The following MORN3 variants were observed in gnomAD, a reference collection of about 807,000 sequenced individuals.
The protein encoded by MORN3 is MORN repeat containing 3, also known as MORN repeat-containing protein 3.
Under a neutral mutation model 34.7 loss-of-function variants are expected in MORN3, and 38 were observed. The ratio of observed to expected loss-of-function variants is 1.10; its 90% CI spans 0.85 to 1.44. MORN3 has a LOEUF of 1.44. Among genes scored for constraint, MORN3 ranks in the 40% most tolerant of loss-of-function variants. The pLI, the probability that MORN3 is intolerant of heterozygous loss-of-function variation, is 0.00. For synonymous variants in MORN3, 109 were observed against 115.3 expected (o/e 0.95, Z 0.35); for missense variants, 311 against 321.7 (o/e 0.97, Z 0.25).
At chr12:121,662,415 G>A (rs1465006428) in intron 1 of MORN3, among the ~76,000 whole-genome samples, 1 of 152,014 alleles carries the variant, frequency 6.6e-6, no homozygotes, top group East Asian at 1.9e-4. Context: ...TGCAGTGAGT[G>A]AGATTGCGCC....
At chr12:121,670,822 A>G (rs1382002108), upstream of MORN3, among the ~76,000 whole-genome samples, 2 of 149,954 alleles carry the variant, frequency 1.3e-5, no homozygotes, top group Non-Finnish European at 3.0e-5. Context: ...AAATAATAAT[A>G]AAATAGGCCG....
At chr12:121,663,656 C>T (rs925021745) in intron 1 of MORN3, among the ~76,000 whole-genome samples, 1 of 152,140 alleles carries the variant, frequency 6.6e-6, no homozygotes, top group Non-Finnish European at 1.5e-5. Context: ...AACAGTATCT[C>T]ATGGGGTTGT....
At chr12:121,667,624 A>T (rs949181061) in intron 1 of MORN3, among the ~76,000 whole-genome samples, 1 of 151,804 alleles carries the variant, frequency 6.6e-6, no homozygotes, top group Non-Finnish European at 1.5e-5. Flanking sequence ...CTGTTCCTTG[A>T]ACACCCCAGG....
chr12:121,658,936 GGCTCCTCGCAACC>G (rs1490149330), intron 2 of MORN3, among the ~76,000 whole-genome samples: 10 of 152,272 alleles, frequency 6.6e-5, no homozygotes, highest in African/African-American at 2.4e-4. Flanking sequence ...AAGCCTGGCT[GGCTCCTCGCAACC>G]GCAGGGTTTC....
rs183329303 is a variant in MORN3 at position 121,657,845 on chromosome 12, G to A, written c.303+1346C>T. Among the ~76,000 whole-genome samples, 10 of 151,974 alleles carry A rather than the reference G, an allele frequency of 6.6e-5. No homozygotes were observed. In the East Asian group the frequency reaches 1.7e-3, roughly 26 times the overall value. On this transcript the variant is annotated intron_variant, in intron 2 of 5. Transcript: ENST00000355329. ...TCACACCATTGCACTCCAGCGTGGC[G>A]ACAAGAGCGAAACTCCATCTCAAAA... is the stretch of plus-strand genomic sequence containing the variant.
intron 1 of MORN3, among the ~76,000 whole-genome samples, chr12:121,668,313 C>T (rs916882910): frequency 4.6e-5 from 7 of 150,912 alleles, no homozygotes; most frequent in East Asian, 4.1e-4. Context: ...GAGGCCGAGG[C>T]GGGCGGATCA....
chr12:121,660,355 C>CTTTTTTTTTTTTTTTTTTTTTTTT (rs200327265), intron 1 of MORN3, among the ~76,000 whole-genome samples: 1 of 128,772 alleles, frequency 7.8e-6, no homozygotes, highest in African/African-American at 3.0e-5. Context: ...TTCTTTCTTT[C>CTTTTTTTTTTTTTTTTTTTTTTTT]TTTTTTTTTT....
intron 1 of MORN3, among the ~76,000 whole-genome samples, chr12:121,663,436 G>C (rs1425538153): frequency 6.6e-6 from 1 of 152,140 alleles, no homozygotes; most frequent in Non-Finnish European, 1.5e-5. Flanking sequence ...GACCTCAGGA[G>C]ATCCACCCAT....
intron 1 of MORN3, among the ~76,000 whole-genome samples, chr12:121,665,321 C>T (rs1417618174): frequency 2.9e-5 from 3 of 101,808 alleles, no homozygotes; most frequent in Non-Finnish European, 3.5e-5. Flanking sequence ...GACGGTGTCT[C>T]GCTCTGTCGC....
intron 1 of MORN3, 40 bp downstream of exon 1, chr12:121,669,299 C>T (rs1210229083): frequency 6.2e-7 from 1 of 1,608,484 alleles, no homozygotes; most frequent in Non-Finnish European, 8.5e-7. Flanking sequence ...CACTGTGGCT[C>T]TGACCCCACT....
chr12:121,660,550 C>T (rs1369316886), intron 1 of MORN3, among the ~76,000 whole-genome samples: 1 of 151,514 alleles, frequency 6.6e-6, no homozygotes, highest in Non-Finnish European at 1.5e-5. Flanking sequence ...GGGGTTTTAC[C>T]ATATTGGCCA....
rs147677521 is a variant in MORN3, at chr12:121,669,340, G to A, written c.144C>T (p.His48=). 7.0e-4 allele frequency: 1,125 copies of A among 1,613,158 alleles called. 1 individual carries two copies. The highest frequency in any genetic ancestry group is 1.4e-3 in the South Asian group (126 of 91,084). The change falls in exon 1 of 6, where the codon CAC becomes CAT. Residue 48 remains histidine, a splice_region_variant and synonymous_variant. Coordinates refer to ENST00000355329, the MANE Select transcript of MORN3 (RefSeq NM_173855.5). The part of the protein sequence containing the change: ...YVGEWKDNVK[H]GKGTQVWKKK... ...CGCCCGTCCCGGAGTCCCACTCACC[G>A]TGTTTCACGTTGTCCTTCCACTCGC...
At chr12:121,659,104 G>A in intron 2 of MORN3, 87 bp downstream of exon 2, 1 of 1,514,316 alleles carries the variant, frequency 6.6e-7, no homozygotes, top group African/African-American at 1.4e-5. Context: ...TTTCTCCCAG[G>A]CCTCTCTCGG....
At chr12:121,659,397 G>C (rs532805854) in intron 1 of MORN3, 49 bp from the exon 2 acceptor site, 1 of 1,602,594 alleles carries the variant, frequency 6.2e-7, no homozygotes, top group Non-Finnish European at 8.5e-7. Context: ...GCCGGGGGGT[G>C]GGGGTGGTGT....
intron 2 of MORN3, among the ~76,000 whole-genome samples, chr12:121,656,315 G>A (rs1893415929): frequency 6.6e-6 from 1 of 151,722 alleles, no homozygotes; most frequent in Non-Finnish European, 1.5e-5. Context: ...ACCTCCTACA[G>A]GAAGCCTGCC....
At chr12:121,653,968 G>C (rs1260142313) in intron 3 of MORN3, among the ~76,000 whole-genome samples, 1 of 151,986 alleles carries the variant, frequency 6.6e-6, no homozygotes, top group Non-Finnish European at 1.5e-5. Context: ...TGCCCATTAA[G>C]CAGCCATTCC....
intron 3 of MORN3, among the ~76,000 whole-genome samples, chr12:121,653,985 C>A (rs1893327094): frequency 6.6e-6 from 1 of 152,040 alleles, no homozygotes. Context: ...TTCCCCACAC[C>A]CACTAATGTC....
At chr12:121,652,987 C>A in intron 4 of MORN3, 88 bp downstream of exon 4, 1 of 1,477,694 alleles carries the variant, frequency 6.8e-7, no homozygotes, top group Non-Finnish European at 9.2e-7. Flanking sequence ...TTGGCTGGGC[C>A]TGGCAGATCT....
rs1555324997 is a variant in MORN3 at position 121,650,994 on chromosome 12, G to T, written c.*657C>A. 6.6e-6 allele frequency: 1 copy of T among 152,198 alleles called. No homozygotes were observed. Among genetic ancestry groups the T allele is most frequent in the Non-Finnish European group, 1.5e-5 (1 of 68,050 alleles). 9.4% of individuals were successfully genotyped at this position (152,198 alleles called of 1,614,324 possible). On this transcript the variant is annotated 3_prime_UTR_variant, in exon 6 of 6. Transcript: ENST00000355329. ...AGAGCCCTGTGTTAGGCTGAGAAGT[G>T]GTCAGGAAATTTTATGATCTCCAAT...
Sources: gnomAD v4.1 joint callset for allele counts (sites outside exome capture counted in the v4.1 genomes callset) on GRCh38, gnomAD v4.1.1 for gene constraint, MANE v1.5 for transcripts, NCBI Gene and HGNC (gene_info 2026-07-23, HGNC 2026-07-21) for gene names.